The following HRG variants were observed in gnomAD, a reference collection of about 807,000 sequenced individuals.
HRG encodes histidine-rich glycoprotein.
HRG carries 26 observed loss-of-function variants against 29.5 expected under a neutral mutation model. The ratio of observed to expected loss-of-function variants is 0.88; its 90% confidence interval spans 0.65 to 1.22. HRG has a LOEUF of 1.22. Among genes scored for constraint, HRG ranks in the 50% most tolerant of loss-of-function variants. The pLI is 0.00. For missense variants in HRG, 671 were observed against 654.5 expected (o/e 1.03, Z -0.28); for synonymous variants, 243 against 240.4 (o/e 1.01, Z -0.10).
chr3:186,672,169 C>A (rs1165882225), intron 4 of HRG, among the ~76,000 whole-genome samples: 5 of 152,148 alleles, frequency 3.3e-5, no homozygotes, highest in African/African-American at 1.2e-4. Flanking sequence ...AGTAATGTGC[C>A]TATAGTTAGA....
chr3:186,673,014 G>A, intron 5 of HRG, 147 bp downstream of exon 5: 1 of 705,046 alleles, frequency 1.4e-6, no homozygotes, highest in South Asian at 1.5e-5. Context: ...GAAGGAGGAA[G>A]AAATGTCTGT....
At chr3:186,669,659 G>A in intron 2 of HRG, 1 of 471,680 alleles carries the variant, frequency 2.1e-6, no homozygotes, top group East Asian at 4.2e-5. Flanking sequence ...CACACTCCTG[G>A]AACTTTCACC....
At position 186,671,748 on chromosome 3, in the gene HRG, G is replaced by A; in HGVS notation, c.517G>A (p.Ala173Thr). ...GTACAAAGAGGAGAATGATGACTTT[G>A]CCTCTTTCAGAGTGGACCGAATCGA... ...EKYKEENDDFASFRVDRIERV... is the reference protein window; with the variant it reads ...EKYKEENDDFTSFRVDRIERV... Residue 173 changes from alanine (A) to threonine (T), a missense_variant, in exon 4 of 7, where the codon GCC (alanine) becomes ACC (threonine). Physicochemically the swap from Ala to Thr is moderately conservative, Grantham distance 58. Transcript: ENST00000232003. 1 of 1,613,980 alleles carries A rather than the reference G, an allele frequency of 6.2e-7. No homozygotes were observed. The highest frequency in any genetic ancestry group is 8.5e-7 in the Non-Finnish European group (1 of 1,179,908).
At chr3:186,668,452 T>G (rs1306036326) in intron 1 of HRG, among the ~76,000 whole-genome samples, 1 of 152,170 alleles carries the variant, frequency 6.6e-6, no homozygotes, top group Non-Finnish European at 1.5e-5. Flanking sequence ...CAATATGTTG[T>G]TAGTGGTGCC....
At position 186,675,284 on chromosome 3, in the gene HRG, GGTGTGTGTGTGT is replaced by G. The variant is rs59016663; in HGVS notation, c.741+108_741+119del. The G allele has an allele frequency of 9.6e-3, 5,113 of 534,374 alleles. 902 individuals are homozygous for G. Among genetic ancestry groups the G allele is most frequent in the East Asian group, 0.023 (614 of 26,606 alleles). 33.1% of individuals were successfully genotyped at this position (534,374 alleles called of 1,614,324 possible). A position where few individuals can be genotyped will look rare whatever the true frequency, so the allele number is the denominator to read the frequency against. ...GTTGCTTCCTAAAGCTCTATGAGTG[GGTGTGTGTGTGT>G]GTGTGTGTGTGTGAGAGAGAGAGAG... On this transcript the variant is annotated intron_variant, in intron 6 of 6. Transcript: ENST00000232003.
At chr3:186,671,828 C>A in intron 4 of HRG, 39 bp downstream of exon 4, 1 of 1,584,292 alleles carries the variant, frequency 6.3e-7, no homozygotes, top group Non-Finnish European at 8.7e-7. Flanking sequence ...TCTGAAGGCC[C>A]AGGCTCCAAC....
rs909149045 is a variant in HRG, at chr3:186,677,961, A to G, written c.*78A>G. 6 of 1,410,874 alleles carry G rather than the reference A, an allele frequency of 4.3e-6. No homozygotes were observed. Among genetic ancestry groups the G allele is most frequent in the Non-Finnish European group, 5.0e-6 (5 of 1,009,248 alleles). 87.4% of individuals were successfully genotyped at this position (1,410,874 alleles called of 1,614,324 possible). ...AATAAAATGACCAGTAATTGTGAAA[A>G]TTACAGTTCTTTTCAACCTACTTTC... On this transcript the variant is annotated 3_prime_UTR_variant, in exon 7 of 7. Transcript: ENST00000232003.
At chr3:186,675,296 TGTGTGTGTGTGTGAGA>T (rs1278971700) in intron 6 of HRG, 106 bp downstream of exon 6, 2 of 589,016 alleles carry the variant, frequency 3.4e-6, no homozygotes, top group Admixed American at 2.3e-5. Flanking sequence ...TGTGTGTGTG[TGTGTGTGTGTGTGAGA>T]GAGAGAGAGA....
chr3:186,677,683 C>T lies in HRG; in HGVS notation c.1378C>T (p.Arg460Ter), dbSNP rs766569834. 17 of 1,612,642 alleles carry T rather than the reference C, an allele frequency of 1.1e-5. No individual in the cohort carries two copies. Among genetic ancestry groups the T allele is most frequent in the Middle Eastern group, 1.6e-4 (1 of 6,078 alleles). ...TTGCAGACAAATTGGATCTGTGTACCGACTCCCTCCTCTAAGAAAAGGTGA... is the reference window on the plus strand; with the variant it reads ...TTGCAGACAAATTGGATCTGTGTACTGACTCCCTCCTCTAAGAAAAGGTGA... ...FHCRQIGSVY[R>*]LPPLRKGEVL... The change falls in exon 7 of 7, where the codon CGA (arginine) becomes TGA (stop). Residue 460 changes from arginine to a stop codon, truncating the protein, a stop_gained. Transcript: ENST00000232003. LOFTEE classifies it low-confidence loss of function (END_TRUNC).
At chr3:186,670,084 A>G in intron 3 of HRG, 56 bp downstream of exon 3, 3 of 901,806 alleles carry the variant, frequency 3.3e-6, no homozygotes, top group Non-Finnish European at 5.6e-6. Context: ...ATTCAATCAT[A>G]CAGTGGTATT....
chr3:186,668,998 A>G lies in HRG; in HGVS notation c.247A>G (p.Arg83Gly). Reference sequence around the variant, plus strand: ...AGAATCGGACTGTTCGGTCCTATCCAGGAAATACTGGAATGACTGTGAGCC... The same window carrying G: ...AGAATCGGACTGTTCGGTCCTATCCGGGAAATACTGGAATGACTGTGAGCC... ...VQESDCSVLSRKYWNDCEPPD... is the reference protein window; with the variant it reads ...VQESDCSVLSGKYWNDCEPPD... Residue 83 changes from arginine to glycine, a missense_variant, in exon 2 of 7, where the codon AGG becomes GGG. Transcript: ENST00000232003. 1 of 1,612,822 alleles carries G rather than the reference A, an allele frequency of 6.2e-7. No individual in the cohort carries two copies. The highest frequency in any genetic ancestry group is 8.5e-7 in the Non-Finnish European group (1 of 1,178,756).
In HRG at chr3:186,675,054, G is replaced by GAC. The variant is rs55721835; in HGVS notation, c.640-26_640-25dup. 875 of 1,398,012 alleles carry GAC rather than the reference G, an allele frequency of 6.3e-4. 1 individual carries two copies. Among genetic ancestry groups the GAC allele is most frequent in the Middle Eastern group, 8.9e-4 (5 of 5,614 alleles). The allele number at this position is 1,398,012 out of a possible 1,614,324, so 86.6% of individuals were successfully genotyped here. ...TGGCTGGTCATCTTCACACCACCTG[G>GAC]ACACACACACTAACAGCTCCTCATT... On this transcript the variant is annotated intron_variant, in intron 5 of 6. Transcript: ENST00000232003.
Position 186,675,310 on chromosome 3 carries a change from A to T in HRG, c.741+120A>T, listed in dbSNP as rs866175628. On this transcript the variant is annotated intron_variant, in intron 6 of 6. Coordinates refer to ENST00000232003, the MANE Select transcript of HRG (RefSeq NM_000412.5). ...GTGTGTGTGTGTGTGTGTGTGTGTG[A>T]GAGAGAGAGAGAGAGAGAGAGACAG... The T allele has an allele frequency of 5.6e-3, 2,948 of 526,708 alleles. 60 individuals are homozygous for T. The African/African-American group carries it at 0.069, about 12-fold the overall frequency. 32.6% of individuals were successfully genotyped at this position (526,708 alleles called of 1,614,324 possible). A position where few individuals can be genotyped will look rare whatever the true frequency, so the allele number is the denominator to read the frequency against.
At chr3:186,674,549 G>C (rs1489665941) in intron 5 of HRG, 1 of 209,220 alleles carries the variant, frequency 4.8e-6, no homozygotes, top group Non-Finnish European at 9.7e-6. Flanking sequence ...TCACAGGTGG[G>C]TTTAGGAGCA....
At chr3:186,672,974 G>A (rs1579077460) in intron 5 of HRG, 107 bp downstream of exon 5, 5 of 773,984 alleles carry the variant, frequency 6.5e-6, no homozygotes. Flanking sequence ...AAGGAGAAGA[G>A]GAATGAGAAG....
At chr3:186,668,705 C>A in intron 1 of HRG, 1 of 508,100 alleles carries the variant, frequency 2.0e-6, no homozygotes. Flanking sequence ...ATAGCTTCTT[C>A]AAGTTTATGG....
rs1445803087 is a variant in HRG, at chr3:186,677,231, G to A, written c.926G>A (p.Gly309Glu). The A allele has an allele frequency of 2.5e-6, 4 of 1,613,788 alleles. No homozygotes were observed. In the African/African-American group the frequency reaches 5.3e-5, roughly 22 times the overall value. Residue 309 changes from glycine to glutamate, a missense_variant, in exon 7 of 7, where the codon GGA (glycine) becomes GAA (glutamate). Transcript: ENST00000232003. Reference sequence around the variant, plus strand: ...CCAGATGAAAGAGATCACTCACATGGACCCCCACTTCCACAAGGCCCTCCT... The same window carrying A: ...CCAGATGAAAGAGATCACTCACATGAACCCCCACTTCCACAAGGCCCTCCT... Reference protein sequence around the residue: ...PPPDERDHSHGPPLPQGPPPL... With the variant: ...PPPDERDHSHEPPLPQGPPPL...
chr3:186,666,020 T>C lies in HRG; in HGVS notation c.-12T>C. ...TGCAGTGGCAGATCATAGCAAGGGA[T>C]GGTTTAACAAAATGAAGGCACTCAT... On this transcript the variant is annotated 5_prime_UTR_variant, in exon 1 of 7. An upstream start codon of the reference 5' UTR is lost. Coordinates refer to ENST00000232003, the MANE Select transcript of HRG (RefSeq NM_000412.5). 1.2e-6 allele frequency: 2 copies of C among 1,613,838 alleles called. No homozygotes were observed. The highest frequency in any genetic ancestry group is 1.1e-5 in the South Asian group (1 of 91,072).
intron 5 of HRG, 33 bp from the exon 6 acceptor site, chr3:186,675,056 C>T (rs761490620): frequency 1.4e-6 from 2 of 1,408,748 alleles, no homozygotes; most frequent in Non-Finnish European, 2.0e-6. Flanking sequence ...ACCACCTGGA[C>T]ACACACACTA....
Sources: allele counts gnomAD v4.1 joint callset (sites outside exome capture counted in the v4.1 genomes callset), GRCh38; gene constraint gnomAD v4.1.1; transcripts MANE v1.5; gene names NCBI Gene and HGNC (gene_info 2026-07-23, HGNC 2026-07-21).